Variants in STK3 observed in about 807,000 individuals in gnomAD.
STK3 encodes the protein serine/threonine kinase 3, also known as serine/threonine-protein kinase 3.
STK3 carries 41 observed loss-of-function variants against 58.0 expected under a neutral mutation model. That is an observed-to-expected ratio of 0.71 (90% CI 0.55 to 0.92). The LOEUF (loss-of-function observed/expected upper bound fraction) is 0.92, where lower values mean the gene tolerates loss of function less well. Among genes scored for constraint, STK3 ranks in the 40% least tolerant of loss-of-function variants. The probability of loss-of-function intolerance (pLI) is 0.00; values close to 1 mark genes in which losing one functional copy is unlikely to be tolerated. For missense variants in STK3, 479 were observed against 602.7 expected (o/e 0.79, Z 2.15); for synonymous variants, 170 against 191.0 (o/e 0.89, Z 0.91).
At chr8:98,545,458 G>A (rs1034186382) in intron 9 of STK3, among the ~76,000 whole-genome samples, 10 of 152,272 alleles carry the variant, frequency 6.6e-5, no homozygotes, top group South Asian at 2.1e-4. Flanking sequence ...TAGGGTCCAC[G>A]TCCATTTTTT....
intron 9 of STK3, among the ~76,000 whole-genome samples, chr8:98,532,165 C>G (rs1481453918): frequency 6.6e-6 from 1 of 152,150 alleles, no homozygotes; most frequent in Admixed American, 6.5e-5. Context: ...TTCAATATGC[C>G]TTCCTCACTA....
At chr8:98,915,432 C>CTATATATA (rs56187203) in intron 1 of STK3, among the ~76,000 whole-genome samples, 2,932 of 93,946 alleles carry the variant, frequency 0.031, 168 homozygotes, top group African/African-American at 0.044. Context: ...ATAAACTTTC[C>CTATATATA]TATATATATA....
intron 10 of STK3, among the ~76,000 whole-genome samples, chr8:98,466,217 T>C (rs1018910309): frequency 1.3e-5 from 2 of 152,206 alleles, no homozygotes; most frequent in African/African-American, 4.8e-5. Context: ...ATGAGAAATA[T>C]TTGTTATGGA....
upstream of STK3, among the ~76,000 whole-genome samples, chr8:98,827,356 A>G (rs115102421): frequency 8.4e-3 from 1,276 of 152,316 alleles, 16 homozygotes; most frequent in African/African-American, 0.029. Flanking sequence ...AAAGAAAGAA[A>G]TTGTCAAGAT....
chr8:98,380,188 G>A (rs4735557), intron 1 of STK3, among the ~76,000 whole-genome samples: 136,796 of 152,222 alleles, frequency 0.9, 61,612 homozygotes, highest in Middle Eastern at 0.94. Context: ...ACAGGTGTAA[G>A]TTTTCAGTTA....
intron 3 of STK3, among the ~76,000 whole-genome samples, chr8:98,870,105 T>C (rs553079462): frequency 5.4e-4 from 83 of 152,338 alleles, no homozygotes; most frequent in African/African-American, 1.7e-3. Context: ...TTTGGTTTTC[T>C]GTCCTTGTGA....
chr8:98,927,081 G>A (rs977912814), intron 1 of STK3, among the ~76,000 whole-genome samples: 7 of 152,240 alleles, frequency 4.6e-5, no homozygotes, highest in Admixed American at 1.3e-4. Flanking sequence ...CTAGAATCAA[G>A]ATATCTAGAT....
chr8:98,694,095 T>G (rs1054156680), intron 6 of STK3, among the ~76,000 whole-genome samples: 1 of 152,216 alleles, frequency 6.6e-6, no homozygotes, highest in Non-Finnish European at 1.5e-5. Context: ...CTAACCCATG[T>G]CTGTTTTTAC....
At chr8:98,607,675 C>CT (rs1338244649) in intron 6 of STK3, among the ~76,000 whole-genome samples, 1 of 152,074 alleles carries the variant, frequency 6.6e-6, no homozygotes, top group Non-Finnish European at 1.5e-5. Context: ...TGAACTACAG[C>CT]TTTTTTCATG....
chr8:98,910,639 T>C (rs1283812718), intron 1 of STK3, among the ~76,000 whole-genome samples: 1 of 152,236 alleles, frequency 6.6e-6, no homozygotes, highest in African/African-American at 2.4e-5. Context: ...TGTTTTAAAA[T>C]AAAGCCCATG....
intron 1 of STK3, among the ~76,000 whole-genome samples, chr8:98,778,101 A>C (rs997196543): frequency 2.0e-4 from 31 of 152,170 alleles, no homozygotes; most frequent in African/African-American, 6.0e-4. Flanking sequence ...CAACCTACAG[A>C]ATGGGAGAAA....
At chr8:98,614,634 T>C (rs1054864839) in intron 6 of STK3, among the ~76,000 whole-genome samples, 11 of 152,168 alleles carry the variant, frequency 7.2e-5, no homozygotes, top group Non-Finnish European at 1.3e-4. Flanking sequence ...GGGCGAGGCA[T>C]TGCCTCACCT....
intron 3 of STK3, among the ~76,000 whole-genome samples, chr8:98,855,708 G>A (rs1312009717): frequency 1.3e-5 from 2 of 152,066 alleles, no homozygotes; most frequent in Non-Finnish European, 1.5e-5. Context: ...CTTGTATCTA[G>A]ACTATATAAA....
chr8:98,687,763 G>C (rs1420437022), intron 6 of STK3, among the ~76,000 whole-genome samples: 1 of 152,192 alleles, frequency 6.6e-6, no homozygotes, highest in East Asian at 1.9e-4. Context: ...AGCCCTACAA[G>C]AGATGCTTAA....
At chr8:98,657,236 G>GT (rs1821618535) in intron 6 of STK3, among the ~76,000 whole-genome samples, 2 of 152,122 alleles carry the variant, frequency 1.3e-5, no homozygotes, top group South Asian at 2.1e-4. Flanking sequence ...AGGTACTGTG[G>GT]TAAGTACTGG....
chr8:98,669,066 A>G (rs988435089), intron 6 of STK3, among the ~76,000 whole-genome samples: 1 of 136,932 alleles, frequency 7.3e-6, no homozygotes, highest in Non-Finnish European at 1.5e-5. Context: ...GTGTAATCTC[A>G]GCTCACTGCA....
chr8:98,529,205 T>C (rs770553010), intron 9 of STK3, among the ~76,000 whole-genome samples: 26 of 152,086 alleles, frequency 1.7e-4, no homozygotes, highest in Admixed American at 4.6e-4. Context: ...TTTAAAAATA[T>C]GAGGGAAGCC....
intron 3 of STK3, among the ~76,000 whole-genome samples, chr8:98,862,156 G>A (rs970069736): frequency 3.3e-5 from 5 of 152,126 alleles, no homozygotes; most frequent in African/African-American, 7.2e-5. Context: ...TACTACTTAC[G>A]AGGCATTGAA....
chr8:98,621,419 G>T (rs1818307495), intron 6 of STK3, among the ~76,000 whole-genome samples: 1 of 151,942 alleles, frequency 6.6e-6, no homozygotes, highest in Non-Finnish European at 1.5e-5. Context: ...TTTTGAGCTG[G>T]CAAGAACTCC....
Sources: gnomAD v4.1 joint callset for allele counts (sites outside exome capture counted in the v4.1 genomes callset) on GRCh38, gnomAD v4.1.1 for gene constraint, MANE v1.5 for transcripts, NCBI Gene and HGNC (gene_info 2026-07-23, HGNC 2026-07-21) for gene names.